The following RARB variants were observed in gnomAD, a reference collection of about 807,000 sequenced individuals.
The protein encoded by RARB is HBV-activated protein.
A neutral mutation model predicts 51.9 loss-of-function variants in RARB; 17 were observed. The observed-to-expected ratio is 0.33, with a 90% CI of 0.22 to 0.49. The LOEUF is 0.49. Ranked by LOEUF, RARB falls within the 20% of genes least tolerant of loss-of-function variation. The pLI, the probability that RARB is intolerant of heterozygous loss-of-function variation, is 0.99. For missense variants in RARB, 369 were observed against 550.8 expected (o/e 0.67, Z 3.30); for synonymous variants, 215 against 195.4 (o/e 1.10, Z -0.84).
At chr3:25,477,729 C>A (rs976984999) in intron 2 of RARB, among the ~76,000 whole-genome samples, 1 of 152,190 alleles carries the variant, frequency 6.6e-6, no homozygotes, top group Admixed American at 6.5e-5. Context: ...CCTTAAATCA[C>A]CCAAGACGTG....
At chr3:25,127,524 T>G (rs558832313) in intron 3 of RARB, among the ~76,000 whole-genome samples, 1 of 152,280 alleles carries the variant, frequency 6.6e-6, no homozygotes, top group South Asian at 2.1e-4. Context: ...TACCACTGTC[T>G]GAAAGTACCA....
rs376063099 is a variant in RARB, at chr3:24,925,809, G to A, written c.-380+67057G>A. On this transcript the variant is annotated intron_variant, in intron 2 of 11. Transcript: ENST00000383772. ...CTCTTGCCTACAAAATACCTTTCAC[G>A]TGAAAACAGAGTGTTTCAAGTTATT... Among the ~76,000 whole-genome samples, 31 of 152,058 alleles carry A rather than the reference G, an allele frequency of 2.0e-4. No homozygotes were observed. The East Asian group carries it at 5.0e-3, about 25-fold the overall frequency.
At chr3:25,498,530 G>A (rs888624759) in intron 2 of RARB, among the ~76,000 whole-genome samples, 1 of 152,174 alleles carries the variant, frequency 6.6e-6, no homozygotes, top group African/African-American at 2.4e-5. Flanking sequence ...ATCTGATTTG[G>A]AAAACCAAGA....
rs531307466 is a variant in RARB, at chr3:24,858,098, AT to A, written c.-458-575del. On this transcript the variant is annotated intron_variant, in intron 1 of 11. Coordinates refer to the RARB transcript ENST00000383772. ...ACCTAAGACTTTGCTTTCTTAAAAA[AT>A]GTTAGGATTAGAAACTATTGTCATA... Among the ~76,000 whole-genome samples, 20 of 152,378 alleles carry A rather than the reference AT, an allele frequency of 1.3e-4. No homozygotes were observed. The South Asian group carries it at 3.9e-3, about 30-fold the overall frequency.
chr3:25,186,999 G>C (rs1173091406), intron 5 of RARB, among the ~76,000 whole-genome samples: 2 of 147,618 alleles, frequency 1.4e-5, no homozygotes, highest in African/African-American at 5.0e-5. Flanking sequence ...TGGAACAAAG[G>C]AAGTAGGATT....
chr3:25,331,571 C>T (rs998898806), intron 5 of RARB, among the ~76,000 whole-genome samples: 1 of 152,108 alleles, frequency 6.6e-6, no homozygotes, highest in African/African-American at 2.4e-5. Flanking sequence ...CAAGAGAAAG[C>T]AGGAAAGATC....
chr3:24,978,547 T>A (rs1696570216), intron 2 of RARB, among the ~76,000 whole-genome samples: 1 of 152,170 alleles, frequency 6.6e-6, no homozygotes, highest in East Asian at 1.9e-4. Flanking sequence ...TGCATAGAGG[T>A]GTTTATAGTA....
intron 2 of RARB, among the ~76,000 whole-genome samples, chr3:25,001,470 C>T (rs1192537134): frequency 2.0e-5 from 3 of 152,100 alleles, no homozygotes; most frequent in Non-Finnish European, 4.4e-5. Context: ...ATTGTCTTCT[C>T]TCCCTCAGAC....
intron 5 of RARB, among the ~76,000 whole-genome samples, chr3:25,180,307 G>C (rs1213164630): frequency 6.6e-6 from 1 of 152,170 alleles, no homozygotes; most frequent in Non-Finnish European, 1.5e-5. Flanking sequence ...AGACATTCCG[G>C]TTGTATTTAT....
intron 3 of RARB, among the ~76,000 whole-genome samples, chr3:25,510,181 C>T (rs1697816964): frequency 6.6e-6 from 1 of 152,202 alleles, no homozygotes; most frequent in Non-Finnish European, 1.5e-5. Context: ...CCTGAGGTCA[C>T]ACAGCTGGTA....
chr3:25,168,496 G>A (rs1700594091), intron 4 of RARB, among the ~76,000 whole-genome samples: 1 of 152,066 alleles, frequency 6.6e-6, no homozygotes, highest in South Asian at 2.1e-4. Flanking sequence ...AAAGTGCTGG[G>A]TTTACAGGCA....
Position 25,307,490 on chromosome 3 carries a change from A to C in RARB, c.178+132915A>C, listed in dbSNP as rs141158338. On this transcript the variant is annotated intron_variant, in intron 5 of 11. Coordinates refer to the RARB transcript ENST00000383772. ...TCAGAAGTCCCTTAGCCAACACACA[A>C]ATTCCTCAATGGCATCTCTGGTCAC... 1.8e-4 allele frequency among the ~76,000 whole-genome samples: 27 copies of C among 152,306 alleles called. 3 individuals are homozygous for C. Among genetic ancestry groups the C allele is most frequent in the African/African-American group, 6.3e-4 (26 of 41,568 alleles).
intron 5 of RARB, among the ~76,000 whole-genome samples, chr3:25,423,191 G>A (rs576104307): frequency 6.6e-6 from 1 of 152,268 alleles, no homozygotes; most frequent in East Asian, 1.9e-4. Context: ...ATTTTAAGAT[G>A]CTCATAATCC....
chr3:25,504,665 C>G (rs530486613), intron 3 of RARB, among the ~76,000 whole-genome samples: 70 of 151,532 alleles, frequency 4.6e-4, no homozygotes, highest in Admixed American at 7.9e-4. Context: ...CTTCTTTATG[C>G]TGTGGGAGAA....
At chr3:25,257,668 T>C (rs1419064665) in intron 5 of RARB, among the ~76,000 whole-genome samples, 1 of 152,136 alleles carries the variant, frequency 6.6e-6, no homozygotes, top group Non-Finnish European at 1.5e-5. Flanking sequence ...GTCTACCTGA[T>C]GCCTCCGCTC....
At chr3:25,562,651 A>C (rs1700320584) in intron 3 of RARB, among the ~76,000 whole-genome samples, 1 of 152,198 alleles carries the variant, frequency 6.6e-6, no homozygotes, top group African/African-American at 2.4e-5. Flanking sequence ...TCTGGAATTG[A>C]ACTTAGGATA....
In RARB at chr3:25,461,403, C is replaced by G; in HGVS notation, c.306+62C>G. On this transcript the variant is annotated intron_variant, in intron 2 of 7. Coordinates refer to ENST00000330688, the MANE Select transcript of RARB (RefSeq NM_000965.5). Reference sequence around the variant, plus strand: ...TTCTCCATGTACTTTATGGAGGTGACCTACCCAGTTCCAAAAATGGGCTGG... The same window carrying G: ...TTCTCCATGTACTTTATGGAGGTGAGCTACCCAGTTCCAAAAATGGGCTGG... The G allele has an allele frequency of 3.2e-6, 5 of 1,555,422 alleles. No homozygotes were observed. In the South Asian group the frequency reaches 4.9e-5, roughly 15 times the overall value.
At chr3:24,859,036 CAAAAAAA>C (rs1169235713) in intron 2 of RARB, among the ~76,000 whole-genome samples, 372 of 50,290 alleles carry the variant, frequency 7.4e-3, no homozygotes, top group African/African-American at 0.023. Context: ...GACTCTGTCT[CAAAAAAA>C]AAAAAAAAAA....
rs3057218 is a variant in RARB at position 24,883,356 on chromosome 3, TTGTGTGTGTGTGTGTGTGTG to T, written c.-380+24624_-380+24643del. 7.2e-3 allele frequency among the ~76,000 whole-genome samples: 1,029 copies of T among 143,774 alleles called. 8 individuals carry two copies. Among genetic ancestry groups the T allele is most frequent in the African/African-American group, 0.024 (946 of 39,518 alleles). The allele number at this position is 143,774 out of a possible 152,430, so 94.3% of individuals were successfully genotyped here. A position where few individuals can be genotyped will look rare whatever the true frequency, so the allele number is the denominator to read the frequency against. ...TTTGAAGCCAGACTTTCAACAATCA[TTGTGTGTGTGTGTGTGTGTG>T]TGTGTGTGTGTGTGTGTGTTTAAAC... On this transcript the variant is annotated intron_variant, in intron 2 of 11. Coordinates refer to the RARB transcript ENST00000383772.
Sources: gnomAD v4.1 joint callset for allele counts (sites outside exome capture counted in the v4.1 genomes callset) on GRCh38, gnomAD v4.1.1 for gene constraint, MANE v1.5 for transcripts, NCBI Gene and HGNC (gene_info 2026-07-23, HGNC 2026-07-21) for gene names.